Variants in DPP6 observed in about 807,000 individuals in gnomAD.
DPP6 encodes dipeptidyl peptidase like 6.
Under a neutral mutation model 122.6 loss-of-function variants are expected in DPP6, and 69 were observed. The observed-to-expected ratio is 0.56, with a 90% CI of 0.46 to 0.69. The LOEUF (loss-of-function observed/expected upper bound fraction) is 0.69. DPP6 is among the 30% of genes least tolerant of loss of function. DPP6 has a pLI of 0.00. For synonymous variants in DPP6, 418 were observed against 433.1 expected (o/e 0.97, Z 0.43); for missense variants, 928 against 1,116.9 (o/e 0.83, Z 2.41).
At chr7:154,551,524 A>G (rs1829634837) in intron 4 of DPP6, among the ~76,000 whole-genome samples, 1 of 152,156 alleles carries the variant, frequency 6.6e-6, no homozygotes, top group African/African-American at 2.4e-5. Flanking sequence ...GGCTGAATCT[A>G]TTTTACCAAT....
chr7:154,305,587 T>TGCGTGCGTGTGC, intron 1 of DPP6: 1 of 1,564,492 alleles, frequency 6.4e-7, no homozygotes. Context: ...TGTGTGTGTG[T>TGCGTGCGTGTGC]GCGTGCGTGT....
intron 3 of DPP6, among the ~76,000 whole-genome samples, chr7:154,494,443 G>A (rs1824549404): frequency 6.7e-6 from 1 of 149,644 alleles, no homozygotes. Flanking sequence ...TATATCACTT[G>A]TAAGCCTCAG....
chr7:154,318,881 T>A (rs1325645573), intron 1 of DPP6, among the ~76,000 whole-genome samples: 1 of 152,190 alleles, frequency 6.6e-6, no homozygotes, highest in East Asian at 1.9e-4. Flanking sequence ...AGGGCCATGC[T>A]GTCTGGTAGC....
chr7:153,931,402 T>A (rs746335342), intron 1 of DPP6, among the ~76,000 whole-genome samples: 1 of 152,192 alleles, frequency 6.6e-6, no homozygotes, highest in Non-Finnish European at 1.5e-5. Flanking sequence ...GCTCTCATCC[T>A]TCTGGAAGCT....
intron 1 of DPP6, among the ~76,000 whole-genome samples, chr7:154,177,150 C>A (rs1398321059): frequency 1.3e-5 from 2 of 152,046 alleles, no homozygotes; most frequent in African/African-American, 4.8e-5. Flanking sequence ...ATTTTCTATT[C>A]GCTGGGGAGT....
intron 1 of DPP6, among the ~76,000 whole-genome samples, chr7:154,134,894 T>G (rs1795466104): frequency 6.6e-6 from 1 of 152,130 alleles, no homozygotes; most frequent in Non-Finnish European, 1.5e-5. Context: ...GAGTGTATAC[T>G]TCCTGTGAGT....
intron 1 of DPP6, among the ~76,000 whole-genome samples, chr7:154,054,790 A>G (rs1585240238): frequency 6.7e-6 from 1 of 149,070 alleles, no homozygotes; most frequent in African/African-American, 2.5e-5. Context: ...CTGACTTAAA[A>G]TTGTTGAATT....
chr7:154,880,705 A>C (rs1805318083), intron 20 of DPP6, among the ~76,000 whole-genome samples, 183 bp from the exon 21 acceptor site: 1 of 152,222 alleles, frequency 6.6e-6, no homozygotes, highest in South Asian at 2.1e-4. Flanking sequence ...TAACGTGAAC[A>C]TGCTGACTTG....
At position 154,240,288 on chromosome 7, in the gene DPP6, C is replaced by T. The variant is rs115897696; in HGVS notation, c.243+187225C>T. Among the ~76,000 whole-genome samples the T allele has an allele frequency of 5.1e-3, 780 of 152,100 alleles. 9 individuals carry two copies. The highest frequency in any genetic ancestry group is 0.018 in the African/African-American group (737 of 41,482). ...TGCCAGCGTAGATTGTCTCTGTTAC[C>T]ACCGGATGCCTCTGGAGAATGCTGC... On this transcript the variant is annotated intron_variant, in intron 1 of 25. Transcript: ENST00000377770.
intron 1 of DPP6, among the ~76,000 whole-genome samples, chr7:154,430,797 C>T (rs1229207493): frequency 1.3e-5 from 2 of 152,148 alleles, no homozygotes; most frequent in African/African-American, 4.8e-5. Context: ...CTGTGTTATT[C>T]CCAGCTGACA....
chr7:154,718,760 G>A (rs564324935), intron 7 of DPP6, among the ~76,000 whole-genome samples: 35 of 150,310 alleles, frequency 2.3e-4, no homozygotes, highest in African/African-American at 7.1e-4. Context: ...CAGCCTCAGT[G>A]TCCCAAGTAG....
rs1389941282 is a variant in DPP6 at position 154,755,103 on chromosome 7, C to G, written c.884-14314C>G. The stretch of plus-strand genomic sequence containing the variant: ...GCACATGTATACCTATGTAACAAAC[C>G]TGCACGTTCTGCACATGTATCCCAG... On this transcript the variant is annotated intron_variant, in intron 8 of 25. Transcript: ENST00000377770. This position sits in a 1 kb window ranked among gnomAD's most constrained non-coding sequence, Gnocchi z 4.7. 6.6e-6 allele frequency among the ~76,000 whole-genome samples: 1 copy of G among 150,688 alleles called. No homozygotes were observed. Among genetic ancestry groups the G allele is most frequent in the Non-Finnish European group, 1.5e-5 (1 of 67,854 alleles).
At chr7:154,745,393 G>C (rs1587004418) in intron 8 of DPP6, among the ~76,000 whole-genome samples, 1 of 152,112 alleles carries the variant, frequency 6.6e-6, no homozygotes, top group South Asian at 2.1e-4. Context: ...GATTACAATA[G>C]AATTGCCAGA....
chr7:154,201,189 G>A (rs1351354862), intron 1 of DPP6, among the ~76,000 whole-genome samples: 2 of 151,122 alleles, frequency 1.3e-5, no homozygotes, highest in South Asian at 2.1e-4. Flanking sequence ...ATGCAGTGGT[G>A]CGATCTCGGC....
At chr7:154,342,871 A>G (rs6973334) in intron 1 of DPP6, among the ~76,000 whole-genome samples, 16,814 of 152,210 alleles carry the variant, frequency 0.11, 1,330 homozygotes, top group African/African-American at 0.22. Flanking sequence ...AATCGTGGCC[A>G]AAGCTCTCAA....
At chr7:154,182,103 T>C (rs1798119932) in intron 1 of DPP6, among the ~76,000 whole-genome samples, 1 of 152,142 alleles carries the variant, frequency 6.6e-6, no homozygotes, top group South Asian at 2.1e-4. Context: ...GCTGGCAGTC[T>C]GGGCTGTGGA....
chr7:154,581,553 G>C (rs1476528960), intron 5 of DPP6, among the ~76,000 whole-genome samples: 2 of 152,222 alleles, frequency 1.3e-5, no homozygotes, highest in African/African-American at 4.8e-5. Flanking sequence ...GGGGTGCCCT[G>C]TGATTCTCAA....
intron 4 of DPP6, among the ~76,000 whole-genome samples, chr7:154,561,844 G>GA: frequency 6.6e-6 from 1 of 152,184 alleles, no homozygotes; most frequent in Non-Finnish European, 1.5e-5. Context: ...CAATATAAAT[G>GA]AAACAGAAAA....
intron 6 of DPP6, among the ~76,000 whole-genome samples, chr7:154,666,730 T>C (rs996970789): frequency 4.6e-5 from 7 of 152,200 alleles, no homozygotes; most frequent in African/African-American, 1.7e-4. Context: ...AAAAGAAGGA[T>C]GTACCGTCAT....
Sources: allele counts gnomAD v4.1 joint callset (sites outside exome capture counted in the v4.1 genomes callset), GRCh38; gene constraint gnomAD v4.1.1; non-coding constraint Gnocchi (gnomAD v3.1); transcripts MANE v1.5; gene names NCBI Gene and HGNC (gene_info 2026-07-23, HGNC 2026-07-21).